Variants in CHST12 observed in about 807,000 individuals in gnomAD.
CHST12 encodes carbohydrate (chondroitin 4) sulfotransferase 12.
Under a neutral mutation model 27.9 loss-of-function variants are expected in CHST12, and 23 were observed. That is an observed-to-expected ratio of 0.82 (90% confidence interval 0.59 to 1.17). CHST12 has a LOEUF of 1.17. CHST12 is among the 50% of genes most tolerant of loss of function. The pLI, the probability that CHST12 is intolerant of heterozygous loss-of-function variation, is 0.00. For synonymous variants in CHST12, 322 were observed against 273.0 expected (o/e 1.18, Z -1.77); for missense variants, 682 against 603.0 (o/e 1.13, Z -1.37).
rs1782723812 is a variant in CHST12, at chr7:2,445,418, G to C, written c.*11534G>C. ...AAAGGGTGCTTGTCTCTTGGTGAGAGGGCCACGGTTCCTTCAGTTTCTCCG... is the reference window on the plus strand; with the variant it reads ...AAAGGGTGCTTGTCTCTTGGTGAGACGGCCACGGTTCCTTCAGTTTCTCCG... On this transcript the variant is annotated 3_prime_UTR_variant, in exon 2 of 2. Transcript: ENST00000618655. 1 of 152,248 alleles carries C rather than the reference G, an allele frequency of 6.6e-6. No homozygotes were observed. The highest frequency in any genetic ancestry group is 1.5e-5 in the Non-Finnish European group (1 of 68,064). The allele number at this position is 152,248 out of a possible 1,614,324, so 9.4% of individuals were successfully genotyped here.
intron 1 of CHST12, among the ~76,000 whole-genome samples, chr7:2,423,281 TAAAA>T (rs1490098398): frequency 6.6e-6 from 1 of 150,816 alleles, no homozygotes; most frequent in Non-Finnish European, 1.5e-5. Context: ...TCAAAAAAAA[TAAAA>T]AAAAGTAGAA....
chr7:2,415,856 C>G (rs576131879), intron 1 of CHST12, among the ~76,000 whole-genome samples: 3 of 152,078 alleles, frequency 2.0e-5, no homozygotes, highest in African/African-American at 4.8e-5. Flanking sequence ...CCTTGTGATC[C>G]GCGCACCTCA....
intron 1 of CHST12, among the ~76,000 whole-genome samples, chr7:2,425,230 A>AAAAAAAAACGT (rs1554281079): frequency 6.7e-6 from 1 of 149,550 alleles, no homozygotes; most frequent in Non-Finnish European, 1.5e-5. Context: ...CAACAAACAA[A>AAAAAAAAACGT]AAAAAAACGT....
At chr7:2,412,257 T>C (rs1781686277) in intron 1 of CHST12, among the ~76,000 whole-genome samples, 1 of 152,152 alleles carries the variant, frequency 6.6e-6, no homozygotes, top group Admixed American at 6.5e-5. Flanking sequence ...GTCCTGGAGG[T>C]ACCGCGTGAA....
intron 1 of CHST12, among the ~76,000 whole-genome samples, chr7:2,431,027 GTTC>G (rs1196518489): frequency 6.6e-6 from 1 of 152,216 alleles, no homozygotes; most frequent in Non-Finnish European, 1.5e-5. Flanking sequence ...CTGGTGTTGA[GTTC>G]TTCTGTATCC....
In CHST12 at chr7:2,446,545, C is replaced by T. The variant is rs759464711; in HGVS notation, c.*12661C>T. ...CAGCGCTGCGGCTATGTCCAGGGAC[C>T]CCTGGCTGTGCCCACGTCGGGGCTT... On this transcript the variant is annotated 3_prime_UTR_variant, in exon 2 of 2. Transcript: ENST00000618655. 3.4e-4 allele frequency: 52 copies of T among 152,756 alleles called. No individual in the cohort carries two copies. The highest frequency in any genetic ancestry group is 6.5e-4 in the Non-Finnish European group (44 of 68,120). 9.5% of individuals were successfully genotyped at this position (152,756 alleles called of 1,614,324 possible).
chr7:2,432,406 C>T (rs930918139), intron 1 of CHST12, among the ~76,000 whole-genome samples, 157 bp from the exon 2 acceptor site: 1 of 152,114 alleles, frequency 6.6e-6, no homozygotes, highest in Non-Finnish European at 1.5e-5. Context: ...ACTCCCTGCA[C>T]TGCTGACCTC....
intron 1 of CHST12, among the ~76,000 whole-genome samples, chr7:2,426,402 G>C (rs1436687533): frequency 6.6e-6 from 1 of 152,154 alleles, no homozygotes; most frequent in Admixed American, 6.5e-5. Flanking sequence ...GAGTGAGAGC[G>C]GGAGTAATTA....
At chr7:2,420,428 G>A (rs1781939864) in intron 1 of CHST12, among the ~76,000 whole-genome samples, 4 of 152,060 alleles carry the variant, frequency 2.6e-5, no homozygotes, top group Non-Finnish European at 2.9e-5. Context: ...TTCATCTGTC[G>A]CGAACACTTG....
At chr7:2,425,961 A>G (rs536053357) in intron 1 of CHST12, among the ~76,000 whole-genome samples, 2 of 152,096 alleles carry the variant, frequency 1.3e-5, no homozygotes, top group Non-Finnish European at 2.9e-5. Context: ...CTCTGGGGGA[A>G]GGGCCTGGCA....
intron 1 of CHST12, among the ~76,000 whole-genome samples, chr7:2,422,929 C>T (rs750357731): frequency 6.7e-6 from 1 of 148,998 alleles, no homozygotes; most frequent in Non-Finnish European, 1.5e-5. Context: ...TTGATTGTTA[C>T]ACATCCTCGA....
rs956071696 is a variant in CHST12 at position 2,413,190 on chromosome 7, C to T, written c.-78+9517C>T. Among the ~76,000 whole-genome samples, 2 of 152,174 alleles carry T rather than the reference C, an allele frequency of 1.3e-5. 1 individual carries two copies. Among genetic ancestry groups the T allele is most frequent in the South Asian group, 4.1e-4 (2 of 4,820 alleles). ...TTGGCCCAGGCCACTCAGCAGAGGC[C>T]GGACTTGGTCTCAGTATCCCTTCCC... On this transcript the variant is annotated intron_variant, in intron 1 of 1. Transcript: ENST00000618655.
rs1782384338 is a variant in CHST12, at chr7:2,433,776, C to T, written c.1137C>T (p.Asp379=). ...GGACCGCCAGCAGCTGGGAGGAGGA[C>T]TGGTTCGCCAAGATCCCCCTGGCCT... ...RNRTASSWEE[D]WFAKIPLAWR... is the part of the protein sequence containing the mutation. Residue 379 remains aspartate, a synonymous_variant, in exon 2 of 2, where the codon GAC becomes GAT. Coordinates refer to ENST00000618655, the MANE Select transcript of CHST12 (RefSeq NM_018641.5). The surrounding 1 kb of genome is among the most constrained non-coding windows in gnomAD (Gnocchi z 6.1). 1.2e-6 allele frequency: 2 copies of T among 1,614,132 alleles called. No individual in the cohort carries two copies. The highest frequency in any genetic ancestry group is 2.2e-5 in the East Asian group (1 of 44,878).
rs758647822 is a variant in CHST12 at position 2,433,661 on chromosome 7, A to G, written c.1022A>G (p.Lys341Arg). Residue 341 changes from lysine to arginine, a missense_variant, in exon 2 of 2, where the codon AAG (lysine) becomes AGG (arginine). Transcript: ENST00000618655. This position sits in a 1 kb window ranked among gnomAD's most constrained non-coding sequence, Gnocchi z 6.1. Reference sequence around the variant, plus strand: ...CAGATCGACTACGACTTCGTGGGGAAGCTGGAGACTCTGGACGAGGACGCC... The same window carrying G: ...CAGATCGACTACGACTTCGTGGGGAGGCTGGAGACTCTGGACGAGGACGCC... ...PCQIDYDFVG[K>R]LETLDEDAAQ... 14 of 1,613,596 alleles carry G rather than the reference A, an allele frequency of 8.7e-6. No homozygotes were observed. The highest frequency in any genetic ancestry group is 1.1e-5 in the South Asian group (1 of 91,068).
intron 1 of CHST12, among the ~76,000 whole-genome samples, chr7:2,428,266 C>A (rs1474135942): frequency 6.6e-6 from 1 of 150,886 alleles, no homozygotes; most frequent in African/African-American, 2.4e-5. Context: ...ACAATCTCGG[C>A]TCACTGCAAG....
At chr7:2,414,034 T>C (rs1781739388) in intron 1 of CHST12, among the ~76,000 whole-genome samples, 2 of 152,070 alleles carry the variant, frequency 1.3e-5, no homozygotes, top group African/African-American at 4.8e-5. Context: ...CGGCCAGTTA[T>C]CTCATTTTAA....
At chr7:2,429,639 G>A (rs115850172) in intron 1 of CHST12, among the ~76,000 whole-genome samples, 2,170 of 152,202 alleles carry the variant, frequency 0.014, 46 homozygotes, top group African/African-American at 0.041. Flanking sequence ...GTTTCATCTA[G>A]GTTGCTAAAT....
In CHST12 at chr7:2,437,527, GTGCT is replaced by G. The variant is rs1782500802; in HGVS notation, c.*3645_*3648del. 6.6e-6 allele frequency: 1 copy of G among 152,192 alleles called. No individual in the cohort carries two copies. Among genetic ancestry groups the G allele is most frequent in the East Asian group, 1.9e-4 (1 of 5,198 alleles). 9.4% of individuals were successfully genotyped at this position (152,192 alleles called of 1,614,324 possible). A position where few individuals can be genotyped will look rare whatever the true frequency, so the allele number is the denominator to read the frequency against. On this transcript the variant is annotated 3_prime_UTR_variant, in exon 2 of 2. Coordinates refer to ENST00000618655, the MANE Select transcript of CHST12 (RefSeq NM_018641.5). Reference sequence around the variant, plus strand: ...TGGATATTTAGTGGAGTTTGCTGTAGTGCTTTTGCCATTTATTTGGACTATTGGA... The same window carrying G: ...TGGATATTTAGTGGAGTTTGCTGTAGTTTGCCATTTATTTGGACTATTGGA...
chr7:2,418,426 G>A (rs1215482143), intron 1 of CHST12, among the ~76,000 whole-genome samples: 1 of 152,228 alleles, frequency 6.6e-6, no homozygotes, highest in African/African-American at 2.4e-5. Flanking sequence ...TTCCCTTGCT[G>A]GAGGCAGCAG....
Sources: allele counts gnomAD v4.1 joint callset (sites outside exome capture counted in the v4.1 genomes callset), GRCh38; gene constraint gnomAD v4.1.1; non-coding constraint Gnocchi (gnomAD v3.1); transcripts MANE v1.5; gene names NCBI Gene and HGNC (gene_info 2026-07-23, HGNC 2026-07-21).